The following TNS1 variants were observed in gnomAD, a reference collection of about 807,000 sequenced individuals.
The protein encoded by TNS1 is tensin-1.
Under a neutral mutation model 168.6 loss-of-function variants are expected in TNS1, and 62 were observed. The ratio of observed to expected loss-of-function variants is 0.37; its 90% confidence interval spans 0.30 to 0.45. TNS1 has a LOEUF of 0.45. TNS1 is among the 20% of genes least tolerant of loss of function. TNS1 has a pLI of 1.00. For synonymous variants in TNS1, 934 were observed against 933.2 expected, an observed-to-expected ratio of 1.00 and a Z score of -0.02; for missense variants, 2,240 against 2,339.4, an observed-to-expected ratio of 0.96 and a Z score of 0.88.
In TNS1 at chr2:217,849,605, T is replaced by A. The variant is rs78026916; in HGVS notation, c.1430-518A>T. 582 of 969,752 alleles carry A rather than the reference T, an allele frequency of 6.0e-4. 3 individuals carry two copies. The African/African-American group carries it at 9.3e-3, about 16-fold the overall frequency. The allele number at this position is 969,752 out of a possible 1,614,324, so 60.1% of individuals were successfully genotyped here. ...GCCCTAACCATCACCATTATGAGTATCATTAATTCCTGAATGACCATTTCC... is the reference window on the plus strand; with the variant it reads ...GCCCTAACCATCACCATTATGAGTAACATTAATTCCTGAATGACCATTTCC... On this transcript the variant is annotated intron_variant, in intron 18 of 32. Coordinates refer to ENST00000682258, the MANE Select transcript of TNS1 (RefSeq NM_001387777.1).
In TNS1 at chr2:217,814,907, C is replaced by A; in HGVS notation, c.4729+5G>T. 1 of 1,612,054 alleles carries A rather than the reference C, an allele frequency of 6.2e-7. No homozygotes were observed. Among genetic ancestry groups the A allele is most frequent in the Non-Finnish European group, 8.5e-7 (1 of 1,179,030 alleles). On this transcript the variant is annotated splice_donor_5th_base_variant and intron_variant, in intron 25 of 32. Transcript: ENST00000682258. The stretch of plus-strand genomic sequence containing the variant: ...CTCTGATGCACCACAGAGCCCAGCA[C>A]TCACCCTGCTCCCTGGAGATCTCAG...
In TNS1 at chr2:218,032,673, C is replaced by A. The variant is rs116723348; in HGVS notation, c.156+1147G>T. Among the ~76,000 whole-genome samples the A allele has an allele frequency of 1.3e-5, 2 of 152,234 alleles. No homozygotes were observed. The highest frequency in any genetic ancestry group is 2.1e-4 in the South Asian group (1 of 4,826). On this transcript the variant is annotated intron_variant, in intron 1 of 1. Coordinates refer to the TNS1 transcript ENST00000649572. This position sits in a 1 kb window ranked among gnomAD's most constrained non-coding sequence, Gnocchi z 4.0. ...GGGTATCACCCCTCCTCTAGTGAGG[C>A]CCCAGGTGATGGGTGCAGGCTGCTC...
chr2:217,985,903 G>A (rs1958182218), intron 2 of TNS1, among the ~76,000 whole-genome samples: 1 of 152,160 alleles, frequency 6.6e-6, no homozygotes, highest in African/African-American at 2.4e-5. Context: ...TCTGACTGAG[G>A]TGGGCAGGGG....
intron 3 of TNS1, among the ~76,000 whole-genome samples, chr2:217,974,296 T>G (rs1957839087): frequency 6.6e-6 from 1 of 152,216 alleles, no homozygotes; most frequent in South Asian, 2.1e-4. Context: ...TGATTAGAAT[T>G]ATTATTTGCA....
chr2:217,918,915 G>C (rs1207857197), intron 4 of TNS1, among the ~76,000 whole-genome samples: 1 of 152,172 alleles, frequency 6.6e-6, no homozygotes, highest in Non-Finnish European at 1.5e-5. Flanking sequence ...GCAGCAGCAG[G>C]GCTGGGCAGC....
At chr2:217,942,990 G>A (rs1956992864) in intron 3 of TNS1, among the ~76,000 whole-genome samples, 1 of 152,188 alleles carries the variant, frequency 6.6e-6, no homozygotes, top group Non-Finnish European at 1.5e-5. Context: ...GGGGGTTGGG[G>A]GACTGACACT....
intron 7 of TNS1, among the ~76,000 whole-genome samples, chr2:217,899,245 G>A (rs930159430): frequency 6.6e-6 from 1 of 152,192 alleles, no homozygotes; most frequent in Non-Finnish European, 1.5e-5. Flanking sequence ...GCCTGAGTGG[G>A]ACTGGGGACC....
At position 217,821,726 on chromosome 2, in the gene TNS1, C is replaced by G. The variant is rs552089559; in HGVS notation, c.3572+14G>C. On this transcript the variant is annotated intron_variant, in intron 23 of 32. Coordinates refer to ENST00000682258, the MANE Select transcript of TNS1 (RefSeq NM_001387777.1). The stretch of plus-strand genomic sequence containing the variant: ...GGATTCCCATCCCCCACCCACTGCC[C>G]CTTCCCGGCTTACCTGTCAGCACTG... 7.7e-5 allele frequency: 109 copies of G among 1,423,964 alleles called. 2 individuals are homozygous for G. The South Asian group carries it at 1.8e-3, about 23-fold the overall frequency. 88.2% of individuals were successfully genotyped at this position (1,423,964 alleles called of 1,614,324 possible). A position where few individuals can be genotyped will look rare whatever the true frequency, so the allele number is the denominator to read the frequency against.
rs1397382332 is a variant in TNS1, at chr2:217,978,780, C to A, written c.171G>T (p.Arg57=). 2 of 702,236 alleles carry A rather than the reference C, an allele frequency of 2.8e-6. No individual in the cohort carries two copies. The highest frequency in any genetic ancestry group is 5.2e-6 in the Non-Finnish European group (2 of 384,524). 43.5% of individuals were successfully genotyped at this position (702,236 alleles called of 1,614,324 possible). Residue 57 remains arginine, a synonymous_variant, in exon 3 of 33, where the codon CGG becomes CGT. Transcript: ENST00000682258. ...TCKVCSFSCH[R]KCQAKVAAPC... Reference sequence around the variant, plus strand: ...GGCCCCTTACCTTGGCCTGGCATTTCCGATGACAGGAGAAGCTGCAGACTG... The same window carrying A: ...GGCCCCTTACCTTGGCCTGGCATTTACGATGACAGGAGAAGCTGCAGACTG...
intron 3 of TNS1, among the ~76,000 whole-genome samples, chr2:217,956,717 A>C (rs1005599872): frequency 6.6e-6 from 1 of 152,176 alleles, no homozygotes; most frequent in Non-Finnish European, 1.5e-5. Context: ...TCAGTCAATG[A>C]GGTCTAGAGC....
chr2:217,865,870 C>T (rs1949227050), intron 18 of TNS1, among the ~76,000 whole-genome samples: 2 of 152,068 alleles, frequency 1.3e-5, no homozygotes, highest in Admixed American at 6.5e-5. Context: ...CTCCTGAGTC[C>T]CCTTTGCACA....
intron 3 of TNS1, among the ~76,000 whole-genome samples, chr2:217,926,354 TC>T (rs1334656465): frequency 6.6e-6 from 1 of 152,202 alleles, no homozygotes; most frequent in African/African-American, 2.4e-5. Context: ...TATGAGAACT[TC>T]TTTTTAAGGC....
At position 217,897,927 on chromosome 2, in the gene TNS1, C is replaced by G. The variant is rs1264551996; in HGVS notation, c.414G>C (p.Leu138=). ...VSRTMEDSCE[L]DLVYVTERII... ...TCCTCTCTGTGACGTACACCAGGTC[C>G]AGCTCACAGCTGTCCTCCATGGTCC... Residue 138 remains leucine (L), a synonymous_variant, in exon 8 of 33, where the codon CTG becomes CTC. Transcript: ENST00000682258. 1 of 1,612,432 alleles carries G rather than the reference C, an allele frequency of 6.2e-7. No individual in the cohort carries two copies. The highest frequency in any genetic ancestry group is 1.7e-5 in the Admixed American group (1 of 59,840).
chr2:217,801,030 A>G lies in TNS1; in HGVS notation c.*3429T>C, dbSNP rs1157249839. 1 of 152,032 alleles carries G rather than the reference A, an allele frequency of 6.6e-6. No homozygotes were observed. Among genetic ancestry groups the G allele is most frequent in the Admixed American group, 6.6e-5 (1 of 15,254 alleles). The allele number at this position is 152,032 out of a possible 1,614,324, so 9.4% of individuals were successfully genotyped here. ...TGGCCCCACCATCCCTCTCCTGGCC[A>G]GTCTCAGAAGACCCAGGGATCCTCA... On this transcript the variant is annotated 3_prime_UTR_variant, in exon 33 of 33. Coordinates refer to ENST00000682258, the MANE Select transcript of TNS1 (RefSeq NM_001387777.1).
At chr2:217,981,963 G>A (rs1053273131) in intron 2 of TNS1, among the ~76,000 whole-genome samples, 3 of 152,158 alleles carry the variant, frequency 2.0e-5, no homozygotes, top group Admixed American at 2.0e-4. Context: ...TGCCCTTCTG[G>A]AGTCCCCTCC....
chr2:218,008,107 C>G (rs1958675999), intron 1 of TNS1, among the ~76,000 whole-genome samples: 1 of 152,166 alleles, frequency 6.6e-6, no homozygotes, highest in Non-Finnish European at 1.5e-5. Context: ...CGAGAAGGAG[C>G]CTCACTCACA....
chr2:218,014,891 G>A (rs1958742348), upstream of TNS1, among the ~76,000 whole-genome samples: 3 of 149,920 alleles, frequency 2.0e-5, no homozygotes, highest in African/African-American at 5.0e-5. Flanking sequence ...AAGGAAGGAA[G>A]GAAGGAAGGA....
intron 19 of TNS1, among the ~76,000 whole-genome samples, chr2:217,841,716 C>T (rs1249186388): frequency 2.6e-5 from 4 of 152,110 alleles, no homozygotes; most frequent in African/African-American, 9.7e-5. Flanking sequence ...CCCTGGACCA[C>T]CCATCTTTTC....
At chr2:217,947,604 C>T (rs1051399518) in intron 3 of TNS1, among the ~76,000 whole-genome samples, 1 of 152,044 alleles carries the variant, frequency 6.6e-6, no homozygotes, top group Non-Finnish European at 1.5e-5. Flanking sequence ...TTGTGTGTGT[C>T]GGGGCCAGGT....
Sources: gnomAD v4.1 joint callset for allele counts (sites outside exome capture counted in the v4.1 genomes callset) on GRCh38, gnomAD v4.1.1 for gene constraint, Gnocchi (gnomAD v3.1) non-coding constraint, MANE v1.5 for transcripts, NCBI Gene and HGNC (gene_info 2026-07-23, HGNC 2026-07-21) for gene names.